Variants in ATG7 observed in about 807,000 individuals in gnomAD.
The protein encoded by ATG7 is ubiquitin-like modifier-activating enzyme ATG7.
ATG7 carries 70 observed loss-of-function variants against 82.4 expected under a neutral mutation model. The observed-to-expected ratio is 0.85, with a 90% CI of 0.70 to 1.04. ATG7 has a LOEUF of 1.04. Among genes scored for constraint, ATG7 ranks in the 50% least tolerant of loss-of-function variants. The pLI is 0.00. For synonymous variants in ATG7, 287 were observed against 313.0 expected (o/e 0.92, Z 0.88); for missense variants, 792 against 864.3 (o/e 0.92, Z 1.05).
chr3:11,537,931 C>T (rs1434879077), intron 20 of ATG7, among the ~76,000 whole-genome samples: 1 of 148,778 alleles, frequency 6.7e-6, no homozygotes, highest in African/African-American at 2.4e-5. Context: ...GTGCTGTTTC[C>T]TTTATACCCA....
At chr3:11,513,437 G>T (rs1007334331) in intron 20 of ATG7, among the ~76,000 whole-genome samples, 1 of 152,256 alleles carries the variant, frequency 6.6e-6, no homozygotes, top group African/African-American at 2.4e-5. Flanking sequence ...GCACCAGTGG[G>T]CCAGCACTGC....
intron 20 of ATG7, among the ~76,000 whole-genome samples, chr3:11,490,360 T>C (rs1336579664): frequency 6.6e-6 from 1 of 152,246 alleles, no homozygotes; most frequent in African/African-American, 2.4e-5. Context: ...TGAGCCTATG[T>C]GTGTCTCTGC....
At position 11,464,783 on chromosome 3, in the gene ATG7, T is replaced by C. The variant is rs140896550; in HGVS notation, c.2079+37857T>C. 6.6e-4 allele frequency among the ~76,000 whole-genome samples: 101 copies of C among 152,312 alleles called. 1 individual carries two copies. Among genetic ancestry groups the C allele is most frequent in the African/African-American group, 2.4e-3 (98 of 41,578 alleles). On this transcript the variant is annotated intron_variant, in intron 20 of 20. Transcript: ENST00000693202. ...GGTTCTGGAGTCTGACCCCCTATTT[T>C]CAAATTATAGCTCTACTGCTTCTTT...
chr3:11,518,555 A>C (rs2092348328), intron 20 of ATG7, among the ~76,000 whole-genome samples: 1 of 152,008 alleles, frequency 6.6e-6, no homozygotes, highest in South Asian at 2.1e-4. Flanking sequence ...CAAAAAAAAA[A>C]AAGAAAAAAA....
intron 20 of ATG7, among the ~76,000 whole-genome samples, chr3:11,523,278 G>T (rs1312183811): frequency 6.6e-6 from 1 of 152,132 alleles, no homozygotes. Context: ...GCAGGGGAGG[G>T]GAAATAGGGA....
downstream of ATG7, chr3:11,559,500 C>G (rs1185735056): frequency 1.3e-6 from 2 of 1,502,126 alleles, no homozygotes; most frequent in Admixed American, 2.2e-5. Flanking sequence ...AGCTTCAGTA[C>G]CGGGCACCAC....
intron 7 of ATG7, among the ~76,000 whole-genome samples, chr3:11,312,174 G>A (rs1044919873): frequency 6.6e-5 from 10 of 152,022 alleles, no homozygotes; most frequent in Middle Eastern, 6.8e-3. Context: ...TTTATGGAAC[G>A]TAAATTATAT....
Position 11,298,591 on chromosome 3 carries a change from TG to T in ATG7, c.-10-94del, listed in dbSNP as rs1416153153. The stretch of plus-strand genomic sequence containing the variant: ...AGCCTGTAAACATCTCATTACTTTT[TG>T]TTTGTTTGAATTAAACTTTATTACA... On this transcript the variant is annotated intron_variant, in intron 3 of 20. Coordinates refer to ENST00000693202, the MANE Select transcript of ATG7 (RefSeq NM_001349232.2). 55 of 1,264,776 alleles carry T rather than the reference TG, an allele frequency of 4.3e-5. 1 individual carries two copies. In the East Asian group the frequency reaches 1.2e-3, roughly 28 times the overall value. 78.3% of individuals were successfully genotyped at this position (1,264,776 alleles called of 1,614,324 possible).
chr3:11,530,036 T>G (rs2092664287), intron 20 of ATG7, among the ~76,000 whole-genome samples: 1 of 152,160 alleles, frequency 6.6e-6, no homozygotes, highest in South Asian at 2.1e-4. Context: ...ACCTTCTACT[T>G]GGATCAGAGG....
intron 20 of ATG7, among the ~76,000 whole-genome samples, chr3:11,554,106 G>A (rs868124400): frequency 3.3e-5 from 5 of 152,286 alleles, no homozygotes; most frequent in Middle Eastern, 3.4e-3. Context: ...TGGGGGTGTC[G>A]GCCAGGGTGG....
At position 11,282,321 on chromosome 3, in the gene ATG7, C is replaced by T. The variant is rs1001110805; in HGVS notation, c.-128C>T. 2 of 152,208 alleles carry T rather than the reference C, an allele frequency of 1.3e-5. No individual in the cohort carries two copies. Among genetic ancestry groups the T allele is most frequent in the Admixed American group, 1.3e-4 (2 of 15,268 alleles). The allele number at this position is 152,208 out of a possible 1,614,324, so 9.4% of individuals were successfully genotyped here. On this transcript the variant is annotated 5_prime_UTR_variant, in exon 3 of 21. Coordinates refer to ENST00000693202, the MANE Select transcript of ATG7 (RefSeq NM_001349232.2). ...GGAAACCAAAATAAAAGAAAAACAG[C>T]TCCTGGAAGTAACCAATGAGAAGGA...
chr3:11,465,117 G>A (rs62245900), intron 20 of ATG7, among the ~76,000 whole-genome samples: 1 of 146,514 alleles, frequency 6.8e-6, no homozygotes, highest in African/African-American at 2.5e-5. Flanking sequence ...GTGTGTGTAA[G>A]GACACCTCCA....
At chr3:11,286,558 T>G (rs1944042660) in intron 3 of ATG7, among the ~76,000 whole-genome samples, 1 of 148,484 alleles carries the variant, frequency 6.7e-6, no homozygotes, top group Non-Finnish European at 1.5e-5. Context: ...TTTTTTTTTT[T>G]GTCTTTTCTT....
At chr3:11,504,380 A>C (rs2091562649) in intron 20 of ATG7, among the ~76,000 whole-genome samples, 1 of 152,226 alleles carries the variant, frequency 6.6e-6, no homozygotes, top group African/African-American at 2.4e-5. Context: ...TCTCCTAGTC[A>C]CCCTATGCAA....
chr3:11,575,094 G>A, the ATG7 span, among the ~76,000 whole-genome samples: 1 of 152,178 alleles, frequency 6.6e-6, no homozygotes, highest in African/African-American at 2.4e-5. Flanking sequence ...CCGAGGAAAA[G>A]TGGATTGAGA....
At chr3:11,544,506 CAGTG>C (rs1243954606) in intron 20 of ATG7, among the ~76,000 whole-genome samples, 1 of 152,232 alleles carries the variant, frequency 6.6e-6, no homozygotes, top group African/African-American at 2.4e-5. Context: ...AGCCAACCCA[CAGTG>C]AGGCCAGGAA....
chr3:11,403,627 A>G (rs531164583), intron 19 of ATG7, among the ~76,000 whole-genome samples: 20 of 152,316 alleles, frequency 1.3e-4, no homozygotes, highest in South Asian at 1.2e-3. Flanking sequence ...ATTGATAATC[A>G]ATTATTAAGT....
intron 20 of ATG7, among the ~76,000 whole-genome samples, chr3:11,551,643 T>C (rs1374761970): frequency 6.6e-6 from 1 of 152,238 alleles, no homozygotes; most frequent in African/African-American, 2.4e-5. Context: ...TTGTCCAGGC[T>C]GGTCTCAAAC....
rs765563441 is a variant in ATG7 at position 11,554,941 on chromosome 3, G to GC, written c.*102dup. The GC allele has an allele frequency of 1.8e-5, 27 of 1,463,140 alleles. No individual in the cohort carries two copies. The highest frequency in any genetic ancestry group is 2.4e-5 in the Non-Finnish European group (26 of 1,084,646). 90.6% of individuals were successfully genotyped at this position (1,463,140 alleles called of 1,614,324 possible). On this transcript the variant is annotated 3_prime_UTR_variant, in exon 21 of 21. Transcript: ENST00000693202. ...CTGACCCCAGGCCTGGTGATTCTGG[G>GC]CCCCTCCTCCATACCCCGAGGTCTG...
Sources: gnomAD v4.1 joint callset for allele counts (sites outside exome capture counted in the v4.1 genomes callset) on GRCh38, gnomAD v4.1.1 for gene constraint, MANE v1.5 for transcripts, NCBI Gene and HGNC (gene_info 2026-07-23, HGNC 2026-07-21) for gene names.